SLC24A5: variants seen among roughly 807,000 people sequenced by gnomAD.
SLC24A5 encodes solute carrier family 24 member 5.
SLC24A5 carries 46 observed loss-of-function variants against 51.6 expected under a neutral mutation model. That is an observed-to-expected ratio of 0.89 (90% CI 0.70 to 1.14). The LOEUF (loss-of-function observed/expected upper bound fraction) is 1.14, where lower values mean the gene tolerates loss of function less well. Among genes scored for constraint, SLC24A5 ranks in the 50% most tolerant of loss-of-function variants. The pLI is 0.00. For synonymous variants in SLC24A5, 230 were observed against 214.9 expected, an observed-to-expected ratio of 1.07 and a Z score of -0.62; for missense variants, 581 against 604.1, an observed-to-expected ratio of 0.96 and a Z score of 0.40.
At chr15:48,135,193 C>T (rs1281523446) in intron 5 of SLC24A5, 7 of 403,898 alleles carry the variant, frequency 1.7e-5, no homozygotes, top group Admixed American at 7.6e-5. Context: ...TCACAGTCTC[C>T]TTTTTTCTCT....
At chr15:48,139,365 T>C in intron 7 of SLC24A5, 190 bp downstream of exon 7, 1 of 483,164 alleles carries the variant, frequency 2.1e-6, no homozygotes, top group Non-Finnish European at 3.7e-6. Flanking sequence ...ATATTATATA[T>C]AAACTGTATT....
At chr15:48,134,178 T>C in intron 2 of SLC24A5, 80 bp from the exon 3 acceptor site, 1 of 1,157,198 alleles carries the variant, frequency 8.6e-7, no homozygotes, top group Non-Finnish European at 1.3e-6. Context: ...AAGCTGTAGC[T>C]TTGAGTATCT....
chr15:48,122,342 T>A, intron 2 of SLC24A5: 1 of 537,978 alleles, frequency 1.9e-6, no homozygotes, highest in Admixed American at 3.3e-5. Flanking sequence ...TTCACTTGTA[T>A]GTACTTTGTG....
At chr15:48,141,669 T>G (rs2039092422) in intron 8 of SLC24A5, 1 of 171,110 alleles carries the variant, frequency 5.8e-6, no homozygotes, top group African/African-American at 2.4e-5. Flanking sequence ...AGGAAAAGTT[T>G]ACTATTTAAT....
chr15:48,137,166 C>A, intron 6 of SLC24A5: 1 of 526,818 alleles, frequency 1.9e-6, no homozygotes, highest in Non-Finnish European at 3.2e-6. Context: ...CGTTAAGTAC[C>A]ATAAAAAGAG....
intron 4 of SLC24A5, 119 bp downstream of exon 4, chr15:48,134,657 G>T: frequency 1.3e-6 from 1 of 780,250 alleles, no homozygotes. Context: ...TTATTAATCA[G>T]TAGAAAAACA....
rs762959133 is a variant in SLC24A5, at chr15:48,121,021, C to T, written c.-24C>T. ...CCTCTTCTCCCTTCCTGAAGCTGCA[C>T]GCTGCAGTAAGAGCACAGCAGAAAT... On this transcript the variant is annotated 5_prime_UTR_variant, in exon 1 of 9. It adds an upstream start codon to the 5' untranslated region. Coordinates refer to ENST00000341459, the MANE Select transcript of SLC24A5 (RefSeq NM_205850.3). The T allele has an allele frequency of 5.2e-5, 84 of 1,609,224 alleles. No homozygotes were observed. The highest frequency in any genetic ancestry group is 1.5e-4 in the Admixed American group (9 of 59,462).
chr15:48,138,777 T>C (rs1475168073), intron 6 of SLC24A5, 192 bp from the exon 7 acceptor site: 1 of 558,930 alleles, frequency 1.8e-6, no homozygotes, highest in Non-Finnish European at 3.2e-6. Context: ...TATCACATCT[T>C]ACATTGTCTG....
chr15:48,138,724 G>T, intron 6 of SLC24A5: 1 of 436,450 alleles, frequency 2.3e-6, no homozygotes, highest in South Asian at 3.2e-5. Context: ...AATGGCCCAA[G>T]ACATTTTTAT....
intron 2 of SLC24A5, among the ~76,000 whole-genome samples, chr15:48,128,123 T>C (rs2140713951): frequency 6.6e-6 from 1 of 152,098 alleles, no homozygotes; most frequent in Admixed American, 6.5e-5. Flanking sequence ...ATCCTTTTGA[T>C]ATGTAATGGG....
intron 2 of SLC24A5, among the ~76,000 whole-genome samples, chr15:48,125,556 T>C (rs1567220643): frequency 6.6e-6 from 1 of 152,142 alleles, no homozygotes; most frequent in South Asian, 2.1e-4. Context: ...TTGAACCATC[T>C]TACAAGAAAT....
rs746218206 is a variant in SLC24A5 at position 48,134,442 on chromosome 15, T to C, written c.393T>C (p.Phe131=). ...GTACTATCTTGCACATAGGTGTATT[T>C]ATCACAAAGGGAGATATTGGCATTA... is the stretch of plus-strand genomic sequence containing the variant. ...PELVTAFLGV[F]ITKGDIGIST... The change falls in exon 4 of 9, where the codon TTT becomes TTC. Residue 131 remains phenylalanine, a synonymous_variant. Transcript: ENST00000341459. 2.5e-5 allele frequency: 41 copies of C among 1,613,128 alleles called. No individual in the cohort carries two copies. Among genetic ancestry groups the C allele is most frequent in the South Asian group, 1.4e-4 (13 of 91,042 alleles).
In SLC24A5 at chr15:48,121,013, AAGCT is replaced by A; in HGVS notation, c.-31_-28del. ...TTAATCCTCCTCTTCTCCCTTCCTG[AAGCT>A]GCACGCTGCAGTAAGAGCACAGCAG... On this transcript the variant is annotated 5_prime_UTR_variant, in exon 1 of 9. Coordinates refer to ENST00000341459, the MANE Select transcript of SLC24A5 (RefSeq NM_205850.3). 6.2e-7 allele frequency: 1 copy of A among 1,607,284 alleles called. No individual in the cohort carries two copies. Among genetic ancestry groups the A allele is most frequent in the Non-Finnish European group, 8.5e-7 (1 of 1,176,424 alleles).
At chr15:48,130,830 T>C (rs1278595534) in intron 2 of SLC24A5, among the ~76,000 whole-genome samples, 2 of 152,070 alleles carry the variant, frequency 1.3e-5, no homozygotes, top group Non-Finnish European at 2.9e-5. Flanking sequence ...CCACAAAGTG[T>C]AAACAAAAAA....
chr15:48,142,110 A>C lies in SLC24A5; in HGVS notation c.1262A>C (p.Lys421Thr). ...TGCCTTGGTATTCCATGGTTTATTAAAACTGCATTTATAAATGGATCAGCT... is the reference window on the plus strand; with the variant it reads ...TGCCTTGGTATTCCATGGTTTATTACAACTGCATTTATAAATGGATCAGCT... ...MLCLGIPWFIKTAFINGSAPA... is the reference protein window; with the variant it reads ...MLCLGIPWFITTAFINGSAPA... Residue 421 changes from lysine (K) to threonine (T), a missense_variant, in exon 9 of 9, where the codon AAA (lysine) becomes ACA (threonine). Physicochemically the swap from Lys to Thr is moderately conservative, Grantham distance 78. Coordinates refer to ENST00000341459, the MANE Select transcript of SLC24A5 (RefSeq NM_205850.3). 1 of 1,613,902 alleles carries C rather than the reference A, an allele frequency of 6.2e-7. No homozygotes were observed. The highest frequency in any genetic ancestry group is 1.7e-5 in the Admixed American group (1 of 60,018).
chr15:48,132,980 CAAG>C (rs1388718981), intron 2 of SLC24A5, among the ~76,000 whole-genome samples: 1 of 151,898 alleles, frequency 6.6e-6, no homozygotes, highest in Non-Finnish European at 1.5e-5. Flanking sequence ...TCTGCCACAC[CAAG>C]AAACACAAAA....
At position 48,142,275 on chromosome 15, in the gene SLC24A5, T is replaced by C. The variant is rs1305933402; in HGVS notation, c.1427T>C (p.Leu476Ser). Residue 476 changes from leucine to serine, a missense_variant, in exon 9 of 9, where the codon TTG becomes TCG. Leu to Ser is a moderately radical substitution (Grantham distance 145). Coordinates refer to ENST00000341459, the MANE Select transcript of SLC24A5 (RefSeq NM_205850.3). ...GGAATAGTCTGCCTATTATCATACT[T>C]GGGGCTTGCTACATTATCAGTTCTA... Reference protein sequence around the residue: ...KLGIVCLLSYLGLATLSVLYE... With the variant: ...KLGIVCLLSYSGLATLSVLYE... The C allele has an allele frequency of 2.5e-6, 4 of 1,613,784 alleles. No homozygotes were observed. The South Asian group carries it at 4.4e-5, about 18-fold the overall frequency.
At chr15:48,136,489 C>A (rs1006474457) in intron 5 of SLC24A5, 194 bp from the exon 6 acceptor site, 2 of 452,134 alleles carry the variant, frequency 4.4e-6, no homozygotes, top group Non-Finnish European at 7.5e-6. Flanking sequence ...ACAGAAGTGT[C>A]CAGCTTTTAT....
chr15:48,140,869 C>T, intron 7 of SLC24A5: 1 of 355,644 alleles, frequency 2.8e-6, no homozygotes, highest in Non-Finnish European at 5.2e-6. Flanking sequence ...TTCTCACTGG[C>T]AGAATTTTAG....
Sources: gnomAD v4.1 joint callset for allele counts (sites outside exome capture counted in the v4.1 genomes callset) on GRCh38, gnomAD v4.1.1 for gene constraint, MANE v1.5 for transcripts, NCBI Gene and HGNC (gene_info 2026-07-23, HGNC 2026-07-21) for gene names.